PPP1R14C: variants seen among roughly 807,000 people sequenced by gnomAD.
PPP1R14C encodes the protein protein phosphatase 1 regulatory subunit 14C.
Under a neutral mutation model 20.4 loss-of-function variants are expected in PPP1R14C, and 16 were observed. That is an observed-to-expected ratio of 0.78 (90% CI 0.53 to 1.19). The LOEUF is 1.19. Among genes scored for constraint, PPP1R14C ranks in the 50% most tolerant of loss-of-function variants. PPP1R14C has a pLI of 0.00. For missense variants in PPP1R14C, 211 were observed against 220.1 expected (o/e 0.96, Z 0.26); for synonymous variants, 91 against 91.0 (o/e 1.00, Z 0.00).
At chr6:150,144,874 A>G (rs1777164906) in intron 1 of PPP1R14C, among the ~76,000 whole-genome samples, 1 of 152,254 alleles carries the variant, frequency 6.6e-6, no homozygotes, top group Non-Finnish European at 1.5e-5. Context: ...TGAGATTTTT[A>G]TAGGAAGTTG....
At chr6:150,204,277 G>T (rs2281437) in intron 1 of PPP1R14C, among the ~76,000 whole-genome samples, 35,322 of 152,180 alleles carry the variant, frequency 0.23, 7,402 homozygotes, top group African/African-American at 0.56. Flanking sequence ...TTCTCGTCAC[G>T]GGGGCATTGT....
intron 3 of PPP1R14C, among the ~76,000 whole-genome samples, chr6:150,233,467 A>G (rs1271871494): frequency 6.6e-6 from 1 of 152,208 alleles, no homozygotes; most frequent in Non-Finnish European, 1.5e-5. Context: ...TCTAATATTA[A>G]ACATTGAAAT....
intron 1 of PPP1R14C, among the ~76,000 whole-genome samples, chr6:150,152,106 C>T (rs1314479520): frequency 2.3e-5 from 3 of 131,956 alleles, no homozygotes; most frequent in African/African-American, 8.5e-5. Context: ...GGCGACAGAG[C>T]GAGACTCCGT....
intron 1 of PPP1R14C, among the ~76,000 whole-genome samples, chr6:150,198,864 A>G (rs571504787): frequency 6.6e-6 from 1 of 152,290 alleles, no homozygotes; most frequent in East Asian, 1.9e-4. Context: ...CGTCTTGCAG[A>G]TCTTTGAATC....
intron 1 of PPP1R14C, among the ~76,000 whole-genome samples, chr6:150,193,244 A>C (rs908521274): frequency 1.3e-5 from 2 of 152,032 alleles, no homozygotes; most frequent in Admixed American, 6.6e-5. Flanking sequence ...TCTCCAGGAC[A>C]CAGGAAGAAG....
At chr6:150,184,397 C>T (rs1411844443) in intron 1 of PPP1R14C, among the ~76,000 whole-genome samples, 1 of 152,150 alleles carries the variant, frequency 6.6e-6, no homozygotes, top group Non-Finnish European at 1.5e-5. Flanking sequence ...GGTGTGTGGA[C>T]TAGGAGCAAT....
chr6:150,182,763 G>A (rs565533891), intron 1 of PPP1R14C, among the ~76,000 whole-genome samples: 1 of 152,306 alleles, frequency 6.6e-6, no homozygotes, highest in Non-Finnish European at 1.5e-5. Context: ...TTTGCTTAGT[G>A]ATGGGGATAT....
intron 1 of PPP1R14C, among the ~76,000 whole-genome samples, chr6:150,159,295 C>T (rs138826610): frequency 3.3e-5 from 5 of 152,326 alleles, no homozygotes; most frequent in African/African-American, 1.2e-4. Context: ...TCTTTCTCTT[C>T]CTCTCTTCAG....
intron 1 of PPP1R14C, among the ~76,000 whole-genome samples, chr6:150,214,052 C>A (rs1347851869): frequency 6.6e-6 from 1 of 152,232 alleles, no homozygotes; most frequent in Non-Finnish European, 1.5e-5. Context: ...TGCCACACTT[C>A]CTCGGTTCAG....
At chr6:150,220,044 C>T (rs973212718) in intron 3 of PPP1R14C, among the ~76,000 whole-genome samples, 23 of 151,456 alleles carry the variant, frequency 1.5e-4, no homozygotes, top group African/African-American at 4.9e-4. Flanking sequence ...TTAGTAGAGG[C>T]GGATTTTGCC....
intron 3 of PPP1R14C, among the ~76,000 whole-genome samples, chr6:150,233,174 G>A (rs1778313451): frequency 6.6e-6 from 1 of 152,174 alleles, no homozygotes; most frequent in Admixed American, 6.5e-5. Flanking sequence ...CAAGGGGCCT[G>A]GGAACAGAGC....
chr6:150,165,292 G>A (rs1304481696), intron 1 of PPP1R14C, among the ~76,000 whole-genome samples: 3 of 152,252 alleles, frequency 2.0e-5, no homozygotes, highest in African/African-American at 7.2e-5. Flanking sequence ...GGACAGGTCT[G>A]AACTTGCCTT....
At chr6:150,172,013 G>T (rs1777505205) in intron 1 of PPP1R14C, among the ~76,000 whole-genome samples, 1 of 151,766 alleles carries the variant, frequency 6.6e-6, no homozygotes. Flanking sequence ...TTGCCACATT[G>T]GCCAGGCTGT....
At chr6:150,194,138 C>T (rs1256210952) in intron 1 of PPP1R14C, among the ~76,000 whole-genome samples, 2 of 152,076 alleles carry the variant, frequency 1.3e-5, no homozygotes, top group Admixed American at 6.5e-5. Context: ...GTGAGGCCTC[C>T]CCAGCCATGT....
chr6:150,186,871 TTG>T, intron 1 of PPP1R14C, among the ~76,000 whole-genome samples: 1 of 152,258 alleles, frequency 6.6e-6, no homozygotes, highest in African/African-American at 2.4e-5. Context: ...CAGGAGGACC[TTG>T]TGGGCCAAGC....
In PPP1R14C at chr6:150,243,323, C is replaced by T. The variant is rs569886975; in HGVS notation, c.424-5423C>T. On this transcript the variant is annotated intron_variant, in intron 3 of 3. Coordinates refer to ENST00000361131, the MANE Select transcript of PPP1R14C (RefSeq NM_030949.3). Reference sequence around the variant, plus strand: ...CCTGAGAAGCTGGGATTACAGGCACCTGCCACCATGCCTGGCTAATTTTTG... The same window carrying T: ...CCTGAGAAGCTGGGATTACAGGCACTTGCCACCATGCCTGGCTAATTTTTG... Among the ~76,000 whole-genome samples, 104 of 152,114 alleles carry T rather than the reference C, an allele frequency of 6.8e-4. No individual in the cohort carries two copies. In the South Asian group the frequency reaches 0.021, roughly 30 times the overall value.
intron 1 of PPP1R14C, among the ~76,000 whole-genome samples, chr6:150,202,119 G>C (rs1377856609): frequency 6.6e-6 from 1 of 152,150 alleles, no homozygotes; most frequent in Non-Finnish European, 1.5e-5. Flanking sequence ...TGCATCAAGC[G>C]TGAGCTCCTC....
intron 3 of PPP1R14C, among the ~76,000 whole-genome samples, chr6:150,248,111 A>C (rs1007497267): frequency 1.3e-5 from 2 of 152,146 alleles, no homozygotes; most frequent in African/African-American, 4.8e-5. Context: ...TAAAGTCACC[A>C]GTCCCATCTT....
chr6:150,210,376 C>G (rs1163030162), intron 1 of PPP1R14C, among the ~76,000 whole-genome samples: 1 of 152,236 alleles, frequency 6.6e-6, no homozygotes, highest in Non-Finnish European at 1.5e-5. Context: ...TCTCCAAACT[C>G]CATCTGTTTA....
Sources: gnomAD v4.1 joint callset for allele counts (sites outside exome capture counted in the v4.1 genomes callset) on GRCh38, gnomAD v4.1.1 for gene constraint, MANE v1.5 for transcripts, NCBI Gene and HGNC (gene_info 2026-07-23, HGNC 2026-07-21) for gene names.